The following TAMM41 variants were observed in gnomAD, a reference collection of about 807,000 sequenced individuals.
TAMM41 encodes the protein phosphatidate cytidylyltransferase, mitochondrial.
In TAMM41, 36 loss-of-function variants were observed where a neutral mutation model predicts 44.1. The observed-to-expected ratio is 0.82, with a 90% CI of 0.63 to 1.08. The LOEUF (loss-of-function observed/expected upper bound fraction) is 1.08. TAMM41 is among the 50% of genes least tolerant of loss of function. TAMM41 has a pLI of 0.00. For synonymous variants in TAMM41, 164 were observed against 153.1 expected (o/e 1.07, Z -0.53); for missense variants, 417 against 404.3 (o/e 1.03, Z -0.27).
the TAMM41 span, among the ~76,000 whole-genome samples, chr3:11,753,583 TA>T: frequency 6.9e-6 from 1 of 144,456 alleles, no homozygotes; most frequent in African/African-American, 2.6e-5. Context: ...AAATAAAAAA[TA>T]AAAAAAAGTG....
the TAMM41 span, among the ~76,000 whole-genome samples, chr3:11,754,708 CTTTTTTTTTTTT>C: frequency 9.7e-6 from 1 of 103,548 alleles, no homozygotes; most frequent in East Asian, 2.7e-4. Flanking sequence ...TCTCAGATCT[CTTTTTTTTTTTT>C]TTTTTTTTTT....
At chr3:11,817,599 C>T (rs1038183089) in intron 4 of TAMM41, among the ~76,000 whole-genome samples, 4 of 152,172 alleles carry the variant, frequency 2.6e-5, no homozygotes, top group African/African-American at 7.2e-5. Context: ...TAATCACAAG[C>T]GAGTAGCTAA....
chr3:11,809,965 A>T, intron 5 of TAMM41: 1 of 300,852 alleles, frequency 3.3e-6, no homozygotes, highest in South Asian at 8.5e-5. Flanking sequence ...TTTTGGTTTT[A>T]AAATTTATAT....
At chr3:11,760,882 C>T in the TAMM41 span, among the ~76,000 whole-genome samples, 1 of 151,038 alleles carries the variant, frequency 6.6e-6, no homozygotes, top group Admixed American at 6.6e-5. Flanking sequence ...AAATCATTTT[C>T]AGGCCCAGGC....
chr3:11,722,695 G>T, the TAMM41 span, among the ~76,000 whole-genome samples: 3 of 152,268 alleles, frequency 2.0e-5, no homozygotes, highest in Non-Finnish European at 4.4e-5. Flanking sequence ...AAATGGTCAG[G>T]CGTGGTGGCT....
the TAMM41 span, among the ~76,000 whole-genome samples, chr3:11,776,640 T>C: frequency 6.6e-6 from 1 of 152,192 alleles, no homozygotes; most frequent in Non-Finnish European, 1.5e-5. Context: ...GTGCACTCTA[T>C]GACGCTCACG....
intron 7 of TAMM41, chr3:11,807,321 G>A: frequency 6.9e-7 from 1 of 1,451,032 alleles, no homozygotes; most frequent in Non-Finnish European, 9.0e-7. Context: ...TTTGATGAGG[G>A]TGGGTGCCAG....
At chr3:11,763,695 C>A in the TAMM41 span, among the ~76,000 whole-genome samples, 1 of 152,264 alleles carries the variant, frequency 6.6e-6, no homozygotes, top group Admixed American at 6.5e-5. Context: ...CATACCAAAC[C>A]AATTACGTGG....
At chr3:11,820,527 G>C (rs1284184157) in intron 4 of TAMM41, among the ~76,000 whole-genome samples, 1 of 152,192 alleles carries the variant, frequency 6.6e-6, no homozygotes, top group Admixed American at 6.5e-5. Flanking sequence ...AGCTCCTTGT[G>C]CACTGCCTGG....
chr3:11,766,961 C>A, the TAMM41 span, among the ~76,000 whole-genome samples: 1 of 152,172 alleles, frequency 6.6e-6, no homozygotes, highest in Non-Finnish European at 1.5e-5. Context: ...CCCATGTAAC[C>A]TTTACCCAGT....
At chr3:11,845,137 A>T (rs1228397550) in intron 1 of TAMM41, 1 of 363,344 alleles carries the variant, frequency 2.8e-6, no homozygotes, top group East Asian at 7.8e-5. Flanking sequence ...ATGAGATCAG[A>T]GAGGGAGGCT....
the TAMM41 span, among the ~76,000 whole-genome samples, chr3:11,738,591 C>T: frequency 0.012 from 1,806 of 152,250 alleles, 43 homozygotes; most frequent in African/African-American, 0.042. Flanking sequence ...GGGCTGTGCT[C>T]AGAGGGAGTT....
intron 6 of TAMM41, 133 bp from the exon 7 acceptor site, chr3:11,808,028 C>A: frequency 7.0e-7 from 1 of 1,418,982 alleles, no homozygotes; most frequent in Non-Finnish European, 9.2e-7. Context: ...CTCTGTCCTG[C>A]TGTCACAGTG....
At chr3:11,771,243 C>G in the TAMM41 span, 20 of 152,292 alleles carry the variant, frequency 1.3e-4, no homozygotes, top group African/African-American at 4.3e-4. Flanking sequence ...ACTGGCTCAC[C>G]TGGTGAGTCA....
chr3:11,775,926 A>ATTCT, the TAMM41 span, among the ~76,000 whole-genome samples: 1 of 152,034 alleles, frequency 6.6e-6, no homozygotes, highest in Admixed American at 6.6e-5. Flanking sequence ...AACTCAGTAC[A>ATTCT]TTCTACACTT....
chr3:11,811,631 A>G (rs148489292), intron 5 of TAMM41: 1 of 152,380 alleles, frequency 6.6e-6, no homozygotes, highest in Non-Finnish European at 1.5e-5. Flanking sequence ...GTGAAAGTCA[A>G]ATTGCATTTT....
At chr3:11,844,879 A>G in intron 1 of TAMM41, 1 of 456,336 alleles carries the variant, frequency 2.2e-6, no homozygotes, top group South Asian at 1.5e-5. Flanking sequence ...GAGGAATGCA[A>G]AATGTACTAA....
chr3:11,723,580 C>CAA, the TAMM41 span, among the ~76,000 whole-genome samples: 24 of 97,216 alleles, frequency 2.5e-4, no homozygotes, highest in African/African-American at 4.0e-4. Flanking sequence ...GACCCTGTCT[C>CAA]AAAAAAAAAA....
At chr3:11,763,335 T>A in the TAMM41 span, among the ~76,000 whole-genome samples, 3 of 152,244 alleles carry the variant, frequency 2.0e-5, no homozygotes, top group African/African-American at 7.2e-5. Flanking sequence ...AGAGATGAGG[T>A]CTTACTATTT....
Sources: allele counts gnomAD v4.1 joint callset (sites outside exome capture counted in the v4.1 genomes callset), GRCh38; gene constraint gnomAD v4.1.1; transcripts MANE v1.5; gene names NCBI Gene and HGNC (gene_info 2026-07-23, HGNC 2026-07-21).